MICOS10: variants seen among roughly 807,000 people sequenced by gnomAD.
The protein encoded by MICOS10 is MICOS complex subunit MIC10.
Under a neutral mutation model 13.4 loss-of-function variants are expected in MICOS10, and 5 were observed. That is an observed-to-expected ratio of 0.37 (90% confidence interval 0.20 to 0.78). The LOEUF is 0.78. MICOS10 is among the 30% of genes least tolerant of loss of function. The probability of loss-of-function intolerance (pLI) is 0.47; values close to 1 mark genes in which losing one functional copy is unlikely to be tolerated. For synonymous variants in MICOS10, 35 were observed against 33.6 expected, an observed-to-expected ratio of 1.04 and a Z score of -0.15; for missense variants, 101 against 94.6, an observed-to-expected ratio of 1.07 and a Z score of -0.28.
chr1:19,601,818 T>A (rs529848205), intron 1 of MICOS10, among the ~76,000 whole-genome samples: 1 of 152,302 alleles, frequency 6.6e-6, no homozygotes, highest in Admixed American at 6.5e-5. Context: ...CCTTACTTGT[T>A]ACACATCCAC....
chr1:19,603,428 A>T (rs1191259618), intron 1 of MICOS10, among the ~76,000 whole-genome samples: 1 of 152,254 alleles, frequency 6.6e-6, no homozygotes, highest in Non-Finnish European at 1.5e-5. Context: ...TTGCACCAGC[A>T]GGCTGTGGAC....
intron 3 of MICOS10, 83 bp from the exon 4 acceptor site, chr1:19,626,304 T>G: frequency 6.4e-7 from 1 of 1,571,952 alleles, no homozygotes; most frequent in Non-Finnish European, 8.8e-7. Flanking sequence ...TCTGGCCCTT[T>G]GGGTCTGACC....
chr1:19,624,494 G>T (rs924640750), intron 3 of MICOS10, among the ~76,000 whole-genome samples: 22 of 152,082 alleles, frequency 1.4e-4, no homozygotes, highest in Non-Finnish European at 3.1e-4. Flanking sequence ...CACCATGTTG[G>T]CCAGGCTGGT....
chr1:19,612,004 C>T (rs1466757588), intron 1 of MICOS10, among the ~76,000 whole-genome samples: 1 of 146,702 alleles, frequency 6.8e-6, no homozygotes, highest in Non-Finnish European at 1.5e-5. Flanking sequence ...TTTCTTCACT[C>T]ATTTTATGAA....
At chr1:19,617,221 C>G in intron 1 of MICOS10, 3 of 947,662 alleles carry the variant, frequency 3.2e-6, no homozygotes, top group Non-Finnish European at 3.8e-6. Flanking sequence ...ACCTTTGTTT[C>G]TTTCCATTGC....
In MICOS10 at chr1:19,605,947, C is replaced by T. The variant is rs115224432; in HGVS notation, c.64+8838C>T. 6.7e-3 allele frequency among the ~76,000 whole-genome samples: 1,023 copies of T among 152,204 alleles called. 16 individuals are homozygous for T. The highest frequency in any genetic ancestry group is 0.023 in the African/African-American group (958 of 41,504). ...GTGTGGCAATTCTATGTTTAGCATTCGAAGAAATTCATTGAATGGTAAGCT... is the reference window on the plus strand; with the variant it reads ...GTGTGGCAATTCTATGTTTAGCATTTGAAGAAATTCATTGAATGGTAAGCT... On this transcript the variant is annotated intron_variant, in intron 1 of 3. Transcript: ENST00000322753.
chr1:19,601,200 C>G, intron 1 of MICOS10: 1 of 352,518 alleles, frequency 2.8e-6, no homozygotes, highest in East Asian at 7.4e-5. Context: ...TGAATAATAT[C>G]TTAATAGAAA....
At chr1:19,606,212 C>A (rs1413404048) in intron 1 of MICOS10, among the ~76,000 whole-genome samples, 1 of 152,114 alleles carries the variant, frequency 6.6e-6, no homozygotes, top group African/African-American at 2.4e-5. Flanking sequence ...ACTTGAAATG[C>A]AGGCTCAGGA....
In MICOS10 at chr1:19,611,469, A is replaced by ATTTT. The variant is rs768118529; in HGVS notation, c.65-10612_65-10609dup. On this transcript the variant is annotated intron_variant, in intron 1 of 3. Coordinates refer to ENST00000322753, the MANE Select transcript of MICOS10 (RefSeq NM_001032363.4). ...TTCTCTTTATTCCAGTTGCAACTTG[A>ATTTT]TTTTTTTTTTTTTTTTTTTTTTGAG... Among the ~76,000 whole-genome samples the ATTTT allele has an allele frequency of 8.0e-3, 725 of 90,246 alleles. 75 individuals are homozygous for ATTTT. Among genetic ancestry groups the ATTTT allele is most frequent in the African/African-American group, 0.028 (533 of 19,278 alleles). The allele number at this position is 90,246 out of a possible 152,430, so 59.2% of individuals were successfully genotyped here. A position where few individuals can be genotyped will look rare whatever the true frequency, so the allele number is the denominator to read the frequency against.
At position 19,625,495 on chromosome 1, in the gene MICOS10, G is replaced by A. The variant is rs550138918; in HGVS notation, c.223-892G>A. 3.4e-5 allele frequency: 44 copies of A among 1,289,406 alleles called. No homozygotes were observed. The African/African-American group carries it at 5.2e-4, about 15-fold the overall frequency. 79.9% of individuals were successfully genotyped at this position (1,289,406 alleles called of 1,614,324 possible). A position where few individuals can be genotyped will look rare whatever the true frequency, so the allele number is the denominator to read the frequency against. On this transcript the variant is annotated intron_variant, in intron 3 of 3. Coordinates refer to ENST00000322753, the MANE Select transcript of MICOS10 (RefSeq NM_001032363.4). ...CAAAGCAAGAGTGAGGTCATCACAG[G>A]GACCATGCAAGAAGAGGCGCAGCTG...
At chr1:19,603,763 G>A (rs1558337749) in intron 1 of MICOS10, among the ~76,000 whole-genome samples, 1 of 152,224 alleles carries the variant, frequency 6.6e-6, no homozygotes, top group African/African-American at 2.4e-5. Context: ...ATGGTTAGCT[G>A]AAGAGTGACA....
intron 2 of MICOS10, among the ~76,000 whole-genome samples, chr1:19,622,361 A>C (rs1029022828): frequency 6.6e-6 from 1 of 152,202 alleles, no homozygotes; most frequent in Admixed American, 6.5e-5. Flanking sequence ...TCCCCTGGGC[A>C]CTGAGGCAGG....
At chr1:19,620,836 T>C (rs1177217108) in intron 1 of MICOS10, among the ~76,000 whole-genome samples, 2 of 152,170 alleles carry the variant, frequency 1.3e-5, no homozygotes, top group Non-Finnish European at 2.9e-5. Context: ...ATCAGAGAGC[T>C]TTTTCTCCTT....
At chr1:19,606,759 AAG>A (rs759713107) in intron 1 of MICOS10, among the ~76,000 whole-genome samples, 88 of 151,096 alleles carry the variant, frequency 5.8e-4, no homozygotes, top group African/African-American at 2.1e-3. Context: ...CAAAAAAAAA[AAG>A]AAAGAAAAAA....
chr1:19,600,049 G>A (rs2094808014), intron 1 of MICOS10, among the ~76,000 whole-genome samples: 1 of 151,884 alleles, frequency 6.6e-6, no homozygotes, highest in Non-Finnish European at 1.5e-5. Flanking sequence ...CCCTCAACAG[G>A]GAATTGACGT....
At chr1:19,615,417 C>T (rs1461605397) in intron 1 of MICOS10, among the ~76,000 whole-genome samples, 2 of 152,328 alleles carry the variant, frequency 1.3e-5, no homozygotes, top group East Asian at 3.9e-4. Context: ...TCTTCTTTGC[C>T]ATATGCAGAA....
intron 1 of MICOS10, chr1:19,598,101 TCCCCAG>T (rs926497738): frequency 1.3e-5 from 2 of 152,166 alleles, no homozygotes; most frequent in African/African-American, 4.8e-5. Context: ...CACTGCCCCA[TCCCCAG>T]CCCCTAAAAG....
chr1:19,618,958 GCACTGA>G (rs1414379828), intron 1 of MICOS10, among the ~76,000 whole-genome samples: 3 of 152,184 alleles, frequency 2.0e-5, no homozygotes, highest in Non-Finnish European at 1.5e-5. Flanking sequence ...ATAAAATGTA[GCACTGA>G]CAACTATACC....
chr1:19,608,398 C>T (rs2094844033), intron 1 of MICOS10: 1 of 1,265,574 alleles, frequency 7.9e-7, no homozygotes, highest in South Asian at 1.2e-5. Flanking sequence ...CCCTACACAT[C>T]CAACTCCGGG....
Sources: gnomAD v4.1 joint callset for allele counts (sites outside exome capture counted in the v4.1 genomes callset) on GRCh38, gnomAD v4.1.1 for gene constraint, MANE v1.5 for transcripts, NCBI Gene and HGNC (gene_info 2026-07-23, HGNC 2026-07-21) for gene names.